Variants in DBX2 observed in about 807,000 individuals in gnomAD.
DBX2 encodes developing brain homeobox 2, also known as homeobox protein DBX2.
In DBX2, 16 loss-of-function variants were observed where a neutral mutation model predicts 17.7. The observed-to-expected ratio is 0.90, with a 90% CI of 0.61 to 1.37. DBX2 has a LOEUF of 1.37. Ranked by LOEUF, DBX2 falls within the 40% of genes most tolerant of loss-of-function variation. DBX2 has a pLI of 0.00. For missense variants in DBX2, 538 were observed against 433.8 expected, an observed-to-expected ratio of 1.24 and a Z score of -2.13; for synonymous variants, 255 against 183.8, an observed-to-expected ratio of 1.39 and a Z score of -3.13.
At chr12:45,022,298 GTTTTTTTTTT>G (rs745546411) in intron 3 of DBX2, among the ~76,000 whole-genome samples, 1 of 82,518 alleles carries the variant, frequency 1.2e-5, no homozygotes, top group African/African-American at 5.0e-5. Flanking sequence ...AATAATAACT[GTTTTTTTTTT>G]TTTTTTTTTT....
intron 2 of DBX2, among the ~76,000 whole-genome samples, chr12:45,027,985 G>T (rs185774168): frequency 6.6e-6 from 1 of 152,224 alleles, no homozygotes; most frequent in South Asian, 2.1e-4. Context: ...ATAAGAAGCC[G>T]CTGAGTTAGG....
rs1946323438 is a variant in DBX2, at chr12:45,016,381, C to T, written c.925G>A (p.Ala309Thr). Residue 309 changes from alanine (A) to threonine (T), a missense_variant, in exon 4 of 4, where the codon GCA becomes ACA. Physicochemically the swap from Ala to Thr is moderately conservative, Grantham distance 58. Transcript: ENST00000332700. ...AGTGAATTTGCTTCTGGGGGTGGTG[C>T]CCCTGAACTCTCCTGGATTAGTCTT... ...SERLIQESSGAPPPEANSLQG... is the reference protein window; with the variant it reads ...SERLIQESSGTPPPEANSLQG... The T allele has an allele frequency of 1.9e-6, 3 of 1,613,680 alleles. No individual in the cohort carries two copies. The Admixed American group carries it at 5.0e-5, about 27-fold the overall frequency.
chr12:45,029,716 A>T (rs988554651), intron 2 of DBX2, among the ~76,000 whole-genome samples: 4 of 151,954 alleles, frequency 2.6e-5, no homozygotes, highest in Non-Finnish European at 5.9e-5. Context: ...TACCAAAATT[A>T]GCCAGGTGTG....
At chr12:45,031,140 C>T in intron 2 of DBX2, among the ~76,000 whole-genome samples, 1 of 150,722 alleles carries the variant, frequency 6.6e-6, no homozygotes, top group East Asian at 2.0e-4. Flanking sequence ...TACCTCCTAT[C>T]TTTCAGGGGC....
Position 45,050,526 on chromosome 12 carries a change from T to G in DBX2, c.402A>C (p.Pro134=). The G allele has an allele frequency of 2.6e-6, 4 of 1,548,222 alleles. No homozygotes were observed. The highest frequency in any genetic ancestry group is 3.5e-6 in the Non-Finnish European group (4 of 1,147,476). ...DRDCTFQPSA[P]APSKPFLLST... is the part of the protein sequence containing the mutation. ...GGAGGGAGGGGAGAGCTGGCTCACC[T>G]GGCGCTGAAGGCTGGAAGGTACAGT... Residue 134 remains proline, a splice_region_variant and synonymous_variant, in exon 1 of 4, where the codon CCA becomes CCC. Transcript: ENST00000332700.
chr12:45,024,348 A>C (rs1946369632), intron 2 of DBX2, among the ~76,000 whole-genome samples: 1 of 152,198 alleles, frequency 6.6e-6, no homozygotes, highest in African/African-American at 2.4e-5. Context: ...TTTCTTTTAT[A>C]AACTACCCAG....
At chr12:45,036,861 T>A (rs1461715595) in intron 1 of DBX2, among the ~76,000 whole-genome samples, 1 of 152,210 alleles carries the variant, frequency 6.6e-6, no homozygotes, top group Admixed American at 6.5e-5. Context: ...CTAGTCACCC[T>A]GAAGATATAT....
In DBX2 at chr12:45,016,340, A is replaced by G; in HGVS notation, c.966T>C (p.Tyr322=). Residue 322 remains tyrosine, a synonymous_variant, in exon 4 of 4, where the codon TAT becomes TAC. Coordinates refer to ENST00000332700, the MANE Select transcript of DBX2 (RefSeq NM_001004329.3). ...TTCCAGCTTCTTCTTCAGAACATAAATATAAGGCACCTTGCAGTGAATTTG... is the reference window on the plus strand; with the variant it reads ...TTCCAGCTTCTTCTTCAGAACATAAGTATAAGGCACCTTGCAGTGAATTTG... ...PEANSLQGAL[Y]LCSEEEAGSK... 6.2e-7 allele frequency: 1 copy of G among 1,608,990 alleles called. No individual in the cohort carries two copies. The highest frequency in any genetic ancestry group is 8.5e-7 in the Non-Finnish European group (1 of 1,178,108).
intron 2 of DBX2, among the ~76,000 whole-genome samples, chr12:45,025,395 C>T (rs1199345828): frequency 2.6e-5 from 4 of 152,256 alleles, no homozygotes; most frequent in South Asian, 4.2e-4. Flanking sequence ...CACACCCCTG[C>T]TTGATTTTAG....
chr12:45,023,434 C>CA (rs1946363872), intron 3 of DBX2, among the ~76,000 whole-genome samples: 1 of 152,160 alleles, frequency 6.6e-6, no homozygotes, highest in African/African-American at 2.4e-5. Context: ...ACTAGAATGG[C>CA]AAAAACCTAG....
intron 1 of DBX2, among the ~76,000 whole-genome samples, chr12:45,041,194 A>G (rs1946469578): frequency 6.7e-6 from 1 of 148,450 alleles, no homozygotes; most frequent in South Asian, 2.1e-4. Context: ...ATTAATAAAT[A>G]ATAAATTAAA....
chr12:45,039,635 G>T (rs1946460776), intron 1 of DBX2, among the ~76,000 whole-genome samples: 1 of 151,826 alleles, frequency 6.6e-6, no homozygotes, highest in Admixed American at 6.6e-5. Flanking sequence ...TCAGGCACTG[G>T]ACTAGCTACA....
At chr12:45,036,204 T>C (rs1946440271) in intron 1 of DBX2, 90 bp from the exon 2 acceptor site, 1 of 1,134,786 alleles carries the variant, frequency 8.8e-7, no homozygotes, top group African/African-American at 1.6e-5. Context: ...GAGTAAATAC[T>C]TTGCTTAGTT....
At chr12:45,039,277 G>GTATATATATATA (rs58371508) in intron 1 of DBX2, among the ~76,000 whole-genome samples, 1 of 90,300 alleles carries the variant, frequency 1.1e-5, no homozygotes, top group Non-Finnish European at 2.4e-5. Flanking sequence ...TGCATTGAAG[G>GTATATATATATA]TATATATATA....
chr12:45,016,555 A>G lies in DBX2; in HGVS notation c.751T>C (p.Ser251Pro), dbSNP rs1458141913. The change falls in exon 4 of 4, where the codon TCC (serine) becomes CCC (proline). Residue 251 changes from serine to proline, a missense_variant. By Grantham distance (74) the Ser-to-Pro change is moderately conservative (BLOSUM62 -1). Coordinates refer to ENST00000332700, the MANE Select transcript of DBX2 (RefSeq NM_001004329.3). Reference protein sequence around the residue: ...WRNSKEKEVLSNRCIQEVGLQ... With the variant: ...WRNSKEKEVLPNRCIQEVGLQ... ...CCTACTTCTTGGATACACCTGTTGG[A>G]AAGCACTTCCTTTTCTTTGGAATTC... The G allele has an allele frequency of 2.5e-6, 4 of 1,581,772 alleles. No homozygotes were observed. The highest frequency in any genetic ancestry group is 4.5e-5 in the East Asian group (2 of 44,020).
chr12:45,022,188 A>C (rs539723350), intron 3 of DBX2, among the ~76,000 whole-genome samples: 1 of 151,966 alleles, frequency 6.6e-6, no homozygotes, highest in African/African-American at 2.4e-5. Flanking sequence ...ATGTAGGCCA[A>C]TTACCCTCTA....
rs1946528530 is a variant in DBX2, at chr12:45,050,822, T to C, written c.106A>G (p.Lys36Glu). 3 of 1,538,774 alleles carry C rather than the reference T, an allele frequency of 1.9e-6. No homozygotes were observed. The highest frequency in any genetic ancestry group is 2.6e-5 in the East Asian group (1 of 38,776). Residue 36 changes from lysine to glutamate, a missense_variant, in exon 1 of 4, where the codon AAG (lysine) becomes GAG (glutamate). By Grantham distance (56) the Lys-to-Glu change is moderately conservative. Coordinates refer to ENST00000332700, the MANE Select transcript of DBX2 (RefSeq NM_001004329.3). The stretch of plus-strand genomic sequence containing the variant: ...AGCAAATTCTCGATCAGGAAACTCT[T>C]GCCCAGGTTGCCAAAGCCGGGCGCA... ...PAAPGFGNLG[K>E]SFLIENLLRV...
At chr12:45,046,663 G>A (rs1228738964) in intron 1 of DBX2, among the ~76,000 whole-genome samples, 1 of 152,094 alleles carries the variant, frequency 6.6e-6, no homozygotes, top group African/African-American at 2.4e-5. Flanking sequence ...TATCTCAGTG[G>A]AGGAAAAAAC....
At chr12:45,032,712 T>G (rs1317277821) in intron 2 of DBX2, among the ~76,000 whole-genome samples, 4 of 152,210 alleles carry the variant, frequency 2.6e-5, no homozygotes, top group Non-Finnish European at 5.9e-5. Context: ...TTCAGAAGAA[T>G]ATTTGGCTCA....
Sources: gnomAD v4.1 joint callset for allele counts (sites outside exome capture counted in the v4.1 genomes callset) on GRCh38, gnomAD v4.1.1 for gene constraint, MANE v1.5 for transcripts, NCBI Gene and HGNC (gene_info 2026-07-23, HGNC 2026-07-21) for gene names.